The following PCDHA8 variants were observed in gnomAD, a reference collection of about 807,000 sequenced individuals.
PCDHA8 encodes protocadherin alpha 8, also known as protocadherin alpha-8.
A neutral mutation model predicts 61.8 loss-of-function variants in PCDHA8; 53 were observed. The observed-to-expected ratio is 0.86, with a 90% CI of 0.69 to 1.08. The LOEUF (loss-of-function observed/expected upper bound fraction) is 1.08. Among genes scored for constraint, PCDHA8 ranks in the 50% least tolerant of loss-of-function variants. The pLI, the probability that PCDHA8 is intolerant of heterozygous loss-of-function variation, is 0.00. For synonymous variants in PCDHA8, 618 were observed against 556.6 expected (o/e 1.11, Z -1.55); for missense variants, 1,293 against 1,245.0 (o/e 1.04, Z -0.58).
intron 1 of PCDHA8, among the ~76,000 whole-genome samples, chr5:140,917,338 G>GGGGGGGGTGGGT (rs2078134893): frequency 7.3e-6 from 1 of 137,894 alleles, no homozygotes; most frequent in Non-Finnish European, 1.6e-5. Flanking sequence ...GGAGGGGGGG[G>GGGGGGGGTGGGT]ATGGTGTAGG....
At chr5:140,993,720 T>C (rs1201014213) in intron 3 of PCDHA8, among the ~76,000 whole-genome samples, 2 of 152,172 alleles carry the variant, frequency 1.3e-5, no homozygotes, top group Non-Finnish European at 2.9e-5. Context: ...TTACTGTACC[T>C]TTTCTATGTT....
chr5:140,955,796 A>G (rs1432865248), intron 1 of PCDHA8, among the ~76,000 whole-genome samples: 3 of 152,004 alleles, frequency 2.0e-5, no homozygotes, highest in Non-Finnish European at 4.4e-5. Context: ...ATGTTTTTCT[A>G]TTTGTTTGTG....
At chr5:140,888,426 C>G (rs1315110358) in intron 1 of PCDHA8, among the ~76,000 whole-genome samples, 1 of 152,168 alleles carries the variant, frequency 6.6e-6, no homozygotes, top group Non-Finnish European at 1.5e-5. Flanking sequence ...CTACCGTGCA[C>G]AGGACAGCCG....
At chr5:140,960,067 A>T (rs1423900287) in intron 1 of PCDHA8, among the ~76,000 whole-genome samples, 1 of 152,228 alleles carries the variant, frequency 6.6e-6, no homozygotes, top group East Asian at 1.9e-4. Context: ...AGAAGATTCA[A>T]TTGAAGTTTC....
At chr5:140,927,064 C>T (rs1409465902) in intron 1 of PCDHA8, 2 of 1,611,234 alleles carry the variant, frequency 1.2e-6, no homozygotes, top group Admixed American at 1.7e-5. Flanking sequence ...CTTTCGCTTC[C>T]TTTCCAGCCA....
Position 140,877,923 on chromosome 5 carries a change from T to C in PCDHA8, c.2394+34208T>C, listed in dbSNP as rs1252401405. ...ATAACTACATTCTCTCATTTTTCTTTATGATTCTATCCTTTAAACTATCGA... is the reference window on the plus strand; with the variant it reads ...ATAACTACATTCTCTCATTTTTCTTCATGATTCTATCCTTTAAACTATCGA... On this transcript the variant is annotated intron_variant, in intron 1 of 3. Coordinates refer to ENST00000531613, the MANE Select transcript of PCDHA8 (RefSeq NM_018911.3). 5 of 1,421,040 alleles carry C rather than the reference T, an allele frequency of 3.5e-6. No individual in the cohort carries two copies. The African/African-American group carries it at 5.8e-5, about 16-fold the overall frequency. The allele number at this position is 1,421,040 out of a possible 1,614,324, so 88.0% of individuals were successfully genotyped here. A position where few individuals can be genotyped will look rare whatever the true frequency, so the allele number is the denominator to read the frequency against.
chr5:140,875,573 C>A, intron 1 of PCDHA8: 1 of 1,614,112 alleles, frequency 6.2e-7, no homozygotes, highest in Non-Finnish European at 8.5e-7. Context: ...CTCCACTACT[C>A]CGTCTACGAG....
intron 1 of PCDHA8, among the ~76,000 whole-genome samples, chr5:140,940,470 AT>A (rs201096499): frequency 2.7e-5 from 4 of 149,646 alleles, no homozygotes; most frequent in South Asian, 2.1e-4. Flanking sequence ...GTTCCCTGCA[AT>A]TTTTTTTTTC....
chr5:140,870,009 G>T, intron 1 of PCDHA8: 2 of 1,613,488 alleles, frequency 1.2e-6, no homozygotes, highest in Non-Finnish European at 1.7e-6. Flanking sequence ...GAGAAGTGAG[G>T]GTCAATGGAA....
Position 140,841,207 on chromosome 5 carries a change from T to C in PCDHA8, c.-115T>C, listed in dbSNP as rs1217897832. On this transcript the variant is annotated 5_prime_UTR_variant, in exon 1 of 4. Coordinates refer to ENST00000531613, the MANE Select transcript of PCDHA8 (RefSeq NM_018911.3). ...AAAGTCTTTTCTCTGACAGCATCTG[T>C]CTCTAAAGGCCGAACAACGGGAGAT... The C allele has an allele frequency of 7.4e-7, 1 of 1,357,074 alleles. No individual in the cohort carries two copies. Among genetic ancestry groups the C allele is most frequent in the African/African-American group, 1.5e-5 (1 of 68,018 alleles). 84.1% of individuals were successfully genotyped at this position (1,357,074 alleles called of 1,614,324 possible).
At chr5:140,927,524 C>T in intron 1 of PCDHA8, 3 of 1,614,104 alleles carry the variant, frequency 1.9e-6, no homozygotes, top group Non-Finnish European at 2.5e-6. Flanking sequence ...GGCGGGCTAC[C>T]TGCCCGCTCA....
Position 140,917,327 on chromosome 5 carries a change from G to A in PCDHA8, c.2395-61622G>A, listed in dbSNP as rs1219338384. ...TTACAATTTGGTGTTCATGTGGCGG[G>A]GGAGGGGGGGGATGGTGTAGGCTTC... On this transcript the variant is annotated intron_variant, in intron 1 of 3. Coordinates refer to ENST00000531613, the MANE Select transcript of PCDHA8 (RefSeq NM_018911.3). Among the ~76,000 whole-genome samples, 73 of 149,528 alleles carry A rather than the reference G, an allele frequency of 4.9e-4. 3 individuals carry two copies. Among genetic ancestry groups the A allele is most frequent in the African/African-American group, 1.3e-3 (54 of 40,384 alleles).
In PCDHA8 at chr5:140,917,874, C is replaced by A. The variant is rs1240832097; in HGVS notation, c.2395-61075C>A. Among the ~76,000 whole-genome samples, 13 of 151,108 alleles carry A rather than the reference C, an allele frequency of 8.6e-5. No individual in the cohort carries two copies. In the East Asian group the frequency reaches 2.5e-3, roughly 29 times the overall value. ...CTTAGGATTGCTTTGACTATTTGGG[C>A]TCTTTTTTTTTTCCATATGAATGTT... On this transcript the variant is annotated intron_variant, in intron 1 of 3. Transcript: ENST00000531613.
Position 140,842,642 on chromosome 5 carries a change from T to C in PCDHA8, c.1321T>C (p.Leu441=). The C allele has an allele frequency of 6.3e-7, 1 of 1,595,112 alleles. No individual in the cohort carries two copies. Among genetic ancestry groups the C allele is most frequent in the Non-Finnish European group, 8.6e-7 (1 of 1,165,386 alleles). The change falls in exon 1 of 4, where the codon TTG becomes CTG. Residue 441 remains leucine, a synonymous_variant. Coordinates refer to ENST00000531613, the MANE Select transcript of PCDHA8 (RefSeq NM_018911.3). ...GCCTTCGCTGTGGGCCACCGCCAGCTTGTCTGTGGAGGTGGCCGACGTGAA... is the reference window on the plus strand; with the variant it reads ...GCCTTCGCTGTGGGCCACCGCCAGCCTGTCTGTGGAGGTGGCCGACGTGAA... The part of the protein sequence containing the change: ...GSPSLWATAS[L]SVEVADVNDN...
intron 3 of PCDHA8, among the ~76,000 whole-genome samples, chr5:141,003,515 G>C (rs1402480495): frequency 1.3e-5 from 2 of 152,114 alleles, no homozygotes; most frequent in Admixed American, 6.5e-5. Flanking sequence ...GTTTCACCAT[G>C]TTCCCTAGGC....
rs572664608 is a variant in PCDHA8 at position 140,918,936 on chromosome 5, T to C, written c.2395-60013T>C. 6.0e-4 allele frequency among the ~76,000 whole-genome samples: 92 copies of C among 152,342 alleles called. 2 individuals are homozygous for C. Among genetic ancestry groups the C allele is most frequent in the Admixed American group, 5.2e-3 (80 of 15,310 alleles). On this transcript the variant is annotated intron_variant, in intron 1 of 3. Transcript: ENST00000531613. ...AACTACACAGCATATGGCATTTTGT[T>C]ATAATATCCTGAACAGACTAAGACA...
chr5:140,951,667 C>A (rs180768474), intron 1 of PCDHA8, among the ~76,000 whole-genome samples: 10 of 152,274 alleles, frequency 6.6e-5, no homozygotes, highest in African/African-American at 2.4e-4. Context: ...GGCCTGCCTA[C>A]AAAATTGGGG....
intron 1 of PCDHA8, among the ~76,000 whole-genome samples, chr5:140,844,093 C>T (rs2150368688): frequency 2.7e-5 from 4 of 149,720 alleles, no homozygotes; most frequent in African/African-American, 9.8e-5. Flanking sequence ...AACTCTTAAT[C>T]TTACTCCATA....
chr5:140,846,373 C>CTTTTT (rs374699051), intron 1 of PCDHA8, among the ~76,000 whole-genome samples: 38 of 55,142 alleles, frequency 6.9e-4, no homozygotes, highest in East Asian at 1.7e-3. Context: ...TTCTTTCTTT[C>CTTTTT]TTTTTTTTTT....
Sources: allele counts gnomAD v4.1 joint callset (sites outside exome capture counted in the v4.1 genomes callset), GRCh38; gene constraint gnomAD v4.1.1; transcripts MANE v1.5; gene names NCBI Gene and HGNC (gene_info 2026-07-23, HGNC 2026-07-21).